Variants in NAB1 observed in about 807,000 individuals in gnomAD.
NAB1 encodes NGFI-A-binding protein 1.
In NAB1, 25 loss-of-function variants were observed where a neutral mutation model predicts 49.9. The observed-to-expected ratio is 0.50, with a 90% CI of 0.37 to 0.70. NAB1 has a LOEUF of 0.70. NAB1 is among the 30% of genes least tolerant of loss of function. The pLI is 0.00. For missense variants in NAB1, 489 were observed against 575.9 expected (o/e 0.85, Z 1.54); for synonymous variants, 198 against 215.6 (o/e 0.92, Z 0.71).
Position 190,652,095 on chromosome 2 carries a change from C to G in NAB1, c.-197+2113C>G, listed in dbSNP as rs1693698334. On this transcript the variant is annotated intron_variant, in intron 2 of 9. Transcript: ENST00000337386. This position sits in a 1 kb window ranked among gnomAD's most constrained non-coding sequence, Gnocchi z 4.2. ...ACAACAGTAGAATATACTCCTTAAA[C>G]TTAATAATGGAGCAAGTGGGAAATT... 6.6e-6 allele frequency among the ~76,000 whole-genome samples: 1 copy of G among 152,158 alleles called. No individual in the cohort carries two copies. Among genetic ancestry groups the G allele is most frequent in the African/African-American group, 2.4e-5 (1 of 41,434 alleles).
At chr2:190,688,639 T>G (rs1445893089) in intron 9 of NAB1, among the ~76,000 whole-genome samples, 1 of 152,232 alleles carries the variant, frequency 6.6e-6, no homozygotes, top group Non-Finnish European at 1.5e-5. Flanking sequence ...ACATTGATCA[T>G]GTGTCTCATC....
At position 190,670,238 on chromosome 2, in the gene NAB1, G is replaced by A; in HGVS notation, c.820-88G>A. On this transcript the variant is annotated intron_variant, in intron 4 of 9. Transcript: ENST00000337386. This position sits in a 1 kb window ranked among gnomAD's most constrained non-coding sequence, Gnocchi z 5.3. ...AATAATGATTCCATTATATAATGGT[G>A]TAACATTCTTATATTTTAAGTGAAA... 8.2e-7 allele frequency: 1 copy of A among 1,224,804 alleles called. No individual in the cohort carries two copies. Among genetic ancestry groups the A allele is most frequent in the Non-Finnish European group, 1.1e-6 (1 of 872,888 alleles). The allele number at this position is 1,224,804 out of a possible 1,614,324, so 75.9% of individuals were successfully genotyped here.
intron 4 of NAB1, among the ~76,000 whole-genome samples, chr2:190,668,378 AAAT>A (rs1694631035): frequency 6.6e-6 from 1 of 152,184 alleles, no homozygotes. Context: ...AAGGTAGTTT[AAAT>A]AATATATGGT....
intron 5 of NAB1, among the ~76,000 whole-genome samples, chr2:190,671,632 G>A (rs1224685819): frequency 6.6e-6 from 1 of 152,018 alleles, no homozygotes; most frequent in Non-Finnish European, 1.5e-5. Flanking sequence ...AGTTCAAGAA[G>A]TTGTATAACA....
In NAB1 at chr2:190,676,871, T is replaced by C. The variant is rs1007230387; in HGVS notation, c.1005+3719T>C. 4 of 152,162 alleles carry C rather than the reference T, an allele frequency of 2.6e-5. No individual in the cohort carries two copies. The highest frequency in any genetic ancestry group is 2.0e-4 in the Admixed American group (3 of 15,276). 9.4% of individuals were successfully genotyped at this position (152,162 alleles called of 1,614,324 possible). ...TGTGCCACATTGCTGGCTTTTTCCATCTTAAAAACATAATTTTTACAGGGA... is the reference window on the plus strand; with the variant it reads ...TGTGCCACATTGCTGGCTTTTTCCACCTTAAAAACATAATTTTTACAGGGA... On this transcript the variant is annotated intron_variant, in intron 6 of 9. Coordinates refer to ENST00000337386, the MANE Select transcript of NAB1 (RefSeq NM_005966.4). The surrounding 1 kb of genome is among the most constrained non-coding windows in gnomAD (Gnocchi z 4.6).
chr2:190,653,092 C>T (rs899469230), intron 2 of NAB1, among the ~76,000 whole-genome samples: 2 of 152,180 alleles, frequency 1.3e-5, no homozygotes, highest in South Asian at 4.1e-4. Flanking sequence ...AGAGGCTCAT[C>T]CTTCCCTAAA....
rs1185893272 is a variant in NAB1 at position 190,659,659 on chromosome 2, G to T, written c.483G>T (p.Trp161Cys). The change falls in exon 4 of 10, where the codon TGG becomes TGT. Residue 161 changes from tryptophan to cysteine, a missense_variant. Trp to Cys is a radical substitution (Grantham distance 215). Transcript: ENST00000337386. This position sits in a 1 kb window ranked among gnomAD's most constrained non-coding sequence, Gnocchi z 6.2. ...ALQSVGESRL[W>C]QGHHATESEH... ...AGAGTGTTGGTGAGTCCAGACTCTG[G>T]CAAGGCCACCATGCCACTGAGAGCG... 4 of 1,613,740 alleles carry T rather than the reference G, an allele frequency of 2.5e-6. No individual in the cohort carries two copies. Among genetic ancestry groups the T allele is most frequent in the Non-Finnish European group, 2.5e-6 (3 of 1,179,998 alleles).
At position 190,680,331 on chromosome 2, in the gene NAB1, CTT is replaced by C. The variant is rs1695271626; in HGVS notation, c.1006-3403_1006-3402del. Among the ~76,000 whole-genome samples, 2 of 152,234 alleles carry C rather than the reference CTT, an allele frequency of 1.3e-5. No homozygotes were observed. The highest frequency in any genetic ancestry group is 4.1e-4 in the South Asian group (2 of 4,834). On this transcript the variant is annotated intron_variant, in intron 6 of 9. Coordinates refer to ENST00000337386, the MANE Select transcript of NAB1 (RefSeq NM_005966.4). This position sits in a 1 kb window ranked among gnomAD's most constrained non-coding sequence, Gnocchi z 5.2. ...TTTCCACCTTCCCTCACCACTCCCT[CTT>C]TTTCAGTGTATATTGAATATTTTCC...
chr2:190,683,997 C>G (rs1439809013), intron 7 of NAB1, among the ~76,000 whole-genome samples, 170 bp downstream of exon 7: 1 of 152,120 alleles, frequency 6.6e-6, no homozygotes, highest in East Asian at 1.9e-4. Flanking sequence ...GCAATAACAA[C>G]TTGGTTTGAT....
Position 190,679,805 on chromosome 2 carries a change from T to C in NAB1, c.1006-3933T>C, listed in dbSNP as rs1242199020. On this transcript the variant is annotated intron_variant, in intron 6 of 9. Coordinates refer to ENST00000337386, the MANE Select transcript of NAB1 (RefSeq NM_005966.4). The surrounding 1 kb of genome is among the most constrained non-coding windows in gnomAD (Gnocchi z 5.3). ...AACAGTATTGAGGCATTGGGGCTCA[T>C]GGGGATTCTGATTGGTGCACTCCAC... 2.6e-5 allele frequency among the ~76,000 whole-genome samples: 4 copies of C among 152,170 alleles called. No homozygotes were observed. The highest frequency in any genetic ancestry group is 9.7e-5 in the African/African-American group (4 of 41,430).
At position 190,659,333 on chromosome 2, in the gene NAB1, A is replaced by G; in HGVS notation, c.157A>G (p.Met53Val). ...AGGAGAAGAGGAGTTTTTGGAAATC[A>G]TGGCACTCGTGGGCATGGCTAGCAA... Reference protein sequence around the residue: ...EAGEEEFLEIMALVGMASKPL... With the variant: ...EAGEEEFLEIVALVGMASKPL... The change falls in exon 4 of 10, where the codon ATG becomes GTG. Residue 53 changes from methionine to valine, a missense_variant. This residue lies in a region of NAB1 where 35 missense variants were observed against 85.6 expected (regional missense o/e 0.41). Transcript: ENST00000337386. This position sits in a 1 kb window ranked among gnomAD's most constrained non-coding sequence, Gnocchi z 6.2. 1 of 1,614,148 alleles carries G rather than the reference A, an allele frequency of 6.2e-7. No homozygotes were observed. The highest frequency in any genetic ancestry group is 8.5e-7 in the Non-Finnish European group (1 of 1,180,030).
Position 190,651,753 on chromosome 2 carries a change from C to A in NAB1, c.-197+1771C>A, listed in dbSNP as rs1383480053. On this transcript the variant is annotated intron_variant, in intron 2 of 9. Coordinates refer to ENST00000337386, the MANE Select transcript of NAB1 (RefSeq NM_005966.4). The surrounding 1 kb of genome is among the most constrained non-coding windows in gnomAD (Gnocchi z 4.3). ...TTATGTACATTTTTGGAAATGAAAT[C>A]TTTGTAAAATTTACCTTTAAATGCA... is the stretch of plus-strand genomic sequence containing the variant. 1.3e-5 allele frequency among the ~76,000 whole-genome samples: 2 copies of A among 152,042 alleles called. No individual in the cohort carries two copies. Among genetic ancestry groups the A allele is most frequent in the Non-Finnish European group, 2.9e-5 (2 of 68,000 alleles).
rs148290154 is a variant in NAB1, at chr2:190,655,818, A to G, written c.-196-159A>G. Reference sequence around the variant, plus strand: ...TAGCACAGTTGGAATCTGGCAGGTGACTGATGCTACCCTGTAAGGAGCCAA... The same window carrying G: ...TAGCACAGTTGGAATCTGGCAGGTGGCTGATGCTACCCTGTAAGGAGCCAA... On this transcript the variant is annotated intron_variant, in intron 2 of 9. Coordinates refer to ENST00000337386, the MANE Select transcript of NAB1 (RefSeq NM_005966.4). Among the ~76,000 whole-genome samples the G allele has an allele frequency of 5.9e-5, 9 of 152,338 alleles. No homozygotes were observed. The East Asian group carries it at 1.2e-3, about 20-fold the overall frequency.
In NAB1 at chr2:190,679,625, A is replaced by T. The variant is rs955626115; in HGVS notation, c.1006-4113A>T. On this transcript the variant is annotated intron_variant, in intron 6 of 9. Transcript: ENST00000337386. The surrounding 1 kb of genome is among the most constrained non-coding windows in gnomAD (Gnocchi z 5.3). ...TTGCGTTACTTTATTTAATCCCCAC[A>T]AACTTCCAGTGGGCAGATACACAGG... is the stretch of plus-strand genomic sequence containing the variant. Among the ~76,000 whole-genome samples the T allele has an allele frequency of 6.6e-6, 1 of 152,192 alleles. No individual in the cohort carries two copies. The highest frequency in any genetic ancestry group is 2.4e-5 in the African/African-American group (1 of 41,442).
chr2:190,663,611 C>A lies in NAB1; in HGVS notation c.819+3616C>A, dbSNP rs781701628. Among the ~76,000 whole-genome samples, 7 of 152,184 alleles carry A rather than the reference C, an allele frequency of 4.6e-5. No individual in the cohort carries two copies. Among genetic ancestry groups the A allele is most frequent in the Non-Finnish European group, 1.0e-4 (7 of 68,036 alleles). The stretch of plus-strand genomic sequence containing the variant: ...CCAACCTCTGATCTTTTTGAAGAAG[C>A]CACTCTGGGCTTAGTTGCTATTCTT... On this transcript the variant is annotated intron_variant, in intron 4 of 9. Transcript: ENST00000337386. The surrounding 1 kb of genome is among the most constrained non-coding windows in gnomAD (Gnocchi z 4.2).
At position 190,679,603 on chromosome 2, in the gene NAB1, C is replaced by T. The variant is rs188166386; in HGVS notation, c.1006-4135C>T. On this transcript the variant is annotated intron_variant, in intron 6 of 9. Coordinates refer to ENST00000337386, the MANE Select transcript of NAB1 (RefSeq NM_005966.4). The surrounding 1 kb of genome is among the most constrained non-coding windows in gnomAD (Gnocchi z 5.3). ...TACTTTTCCAAGGTTCACTTATTTG[C>T]GTTACTTTATTTAATCCCCACAAAC... Among the ~76,000 whole-genome samples, 36 of 152,184 alleles carry T rather than the reference C, an allele frequency of 2.4e-4. 1 individual carries two copies. Among genetic ancestry groups the T allele is most frequent in the Admixed American group, 1.6e-3 (24 of 15,298 alleles).
Position 190,688,112 on chromosome 2 carries a change from A to T in NAB1, c.1375+795A>T, listed in dbSNP as rs147923251. Among the ~76,000 whole-genome samples the T allele has an allele frequency of 1.1e-4, 16 of 152,356 alleles. No individual in the cohort carries two copies. In the East Asian group the frequency reaches 2.9e-3, roughly 28 times the overall value. On this transcript the variant is annotated intron_variant, in intron 9 of 9. Transcript: ENST00000337386. The stretch of plus-strand genomic sequence containing the variant: ...GCACAATTTGAAAGAATCTGTTATC[A>T]TTCAAGTCTTTGAGTTAAAGTAACT...
At chr2:190,672,683 A>T (rs1175029660) in intron 5 of NAB1, among the ~76,000 whole-genome samples, 1 of 151,874 alleles carries the variant, frequency 6.6e-6, no homozygotes, top group Non-Finnish European at 1.5e-5. Context: ...TTAAATATTT[A>T]TTAAGTGCTA....
rs558872704 is a variant in NAB1, at chr2:190,659,536, C to T, written c.360C>T (p.Ala120=). ...SCSSYERSSN[A]REPHLKIPKC... Reference sequence around the variant, plus strand: ...GTAGTTATGAAAGGAGTAGCAATGCCCGGGAACCTCATTTAAAAATCCCCA... The same window carrying T: ...GTAGTTATGAAAGGAGTAGCAATGCTCGGGAACCTCATTTAAAAATCCCCA... Residue 120 remains alanine (A), a synonymous_variant, in exon 4 of 10, where the codon GCC becomes GCT. Transcript: ENST00000337386. This position sits in a 1 kb window ranked among gnomAD's most constrained non-coding sequence, Gnocchi z 6.2. 1.2e-6 allele frequency: 2 copies of T among 1,614,074 alleles called. No individual in the cohort carries two copies. The highest frequency in any genetic ancestry group is 2.2e-5 in the East Asian group (1 of 44,890).
Sources: allele counts gnomAD v4.1 joint callset (sites outside exome capture counted in the v4.1 genomes callset), GRCh38; gene constraint gnomAD v4.1.1; regional missense constraint gnomAD v4.1.1; non-coding constraint Gnocchi (gnomAD v3.1); transcripts MANE v1.5; gene names NCBI Gene and HGNC (gene_info 2026-07-23, HGNC 2026-07-21).